The following SLC39A9 variants were observed in gnomAD, a reference collection of about 807,000 sequenced individuals.
SLC39A9 encodes the protein solute carrier family 39 member 9, also known as zinc transporter ZIP9.
A neutral mutation model predicts 28.4 loss-of-function variants in SLC39A9; 14 were observed. That is an observed-to-expected ratio of 0.49 (90% CI 0.33 to 0.77). The LOEUF is 0.77. Among genes scored for constraint, SLC39A9 ranks in the 30% least tolerant of loss-of-function variants. The probability of loss-of-function intolerance (pLI) is 0.02; values close to 1 mark genes in which losing one functional copy is unlikely to be tolerated. For missense variants in SLC39A9, 283 were observed against 381.1 expected (o/e 0.74, Z 2.14); for synonymous variants, 119 against 149.6 (o/e 0.80, Z 1.49).
At chr14:69,446,893 AAAG>A (rs1249446117) in intron 3 of SLC39A9, among the ~76,000 whole-genome samples, 32 of 146,186 alleles carry the variant, frequency 2.2e-4, no homozygotes, top group Non-Finnish European at 4.7e-4. Flanking sequence ...AAAAAAAGAA[AAAG>A]AAAAAAAAAT....
At chr14:69,423,404 ATTCT>A (rs1437674365) in intron 1 of SLC39A9, among the ~76,000 whole-genome samples, 2 of 152,186 alleles carry the variant, frequency 1.3e-5, no homozygotes, top group Non-Finnish European at 2.9e-5. Flanking sequence ...TCTTTGCACA[ATTCT>A]TTCTTAGGAT....
In SLC39A9 at chr14:69,461,554, C is replaced by G. The variant is rs1175243866; in HGVS notation, c.*2961C>G. ...TCAAAACAGCCAAGTGAGCCCTGTTCTGGTATTTTGAATCATTAGAGAAAA... is the reference window on the plus strand; with the variant it reads ...TCAAAACAGCCAAGTGAGCCCTGTTGTGGTATTTTGAATCATTAGAGAAAA... On this transcript the variant is annotated 3_prime_UTR_variant, in exon 7 of 7. Coordinates refer to ENST00000336643, the MANE Select transcript of SLC39A9 (RefSeq NM_018375.5). 2.0e-6 allele frequency: 3 copies of G among 1,480,782 alleles called. No individual in the cohort carries two copies. Among genetic ancestry groups the G allele is most frequent in the Non-Finnish European group, 2.7e-6 (3 of 1,120,854 alleles). 91.7% of individuals were successfully genotyped at this position (1,480,782 alleles called of 1,614,324 possible). A position where few individuals can be genotyped will look rare whatever the true frequency, so the allele number is the denominator to read the frequency against.
At chr14:69,448,736 A>G (rs1185201477) in intron 3 of SLC39A9, among the ~76,000 whole-genome samples, 16 of 152,236 alleles carry the variant, frequency 1.1e-4, no homozygotes, top group Admixed American at 1.0e-3. Flanking sequence ...TGACAAAATT[A>G]CAATATGCAA....
Position 69,458,686 on chromosome 14 carries a change from C to G in SLC39A9, c.*93C>G. 2 of 1,455,864 alleles carry G rather than the reference C, an allele frequency of 1.4e-6. No homozygotes were observed. The highest frequency in any genetic ancestry group is 1.8e-6 in the Non-Finnish European group (2 of 1,103,238). 90.2% of individuals were successfully genotyped at this position (1,455,864 alleles called of 1,614,324 possible). On this transcript the variant is annotated 3_prime_UTR_variant, in exon 7 of 7. Transcript: ENST00000336643. ...TACTCACTTCCTCAGTCTCTTGTCT[C>G]ACCTTGCGCATCTCTACATGTATTC... is the stretch of plus-strand genomic sequence containing the variant.
At chr14:69,426,317 T>C (rs1302552044) in intron 2 of SLC39A9, among the ~76,000 whole-genome samples, 1 of 152,154 alleles carries the variant, frequency 6.6e-6, no homozygotes, top group African/African-American at 2.4e-5. Context: ...AACCCCCTCT[T>C]TGGGTTCAGT....
At chr14:69,406,630 G>C (rs956413194) in intron 1 of SLC39A9, among the ~76,000 whole-genome samples, 1 of 150,390 alleles carries the variant, frequency 6.6e-6, no homozygotes, top group African/African-American at 2.4e-5. Context: ...GGAGATTGCA[G>C]TGAGCTGAGA....
intron 4 of SLC39A9, 34 bp downstream of exon 4, chr14:69,453,343 T>C: frequency 1.9e-6 from 3 of 1,591,118 alleles, no homozygotes; most frequent in Non-Finnish European, 2.6e-6. Flanking sequence ...TTCTTTGTTT[T>C]CTATCGCACA....
chr14:69,455,666 T>C, intron 5 of SLC39A9, 66 bp from the exon 6 acceptor site: 1 of 1,595,082 alleles, frequency 6.3e-7, no homozygotes, highest in African/African-American at 1.3e-5. Flanking sequence ...AAATGGCATA[T>C]ACTTCTTGAT....
At position 69,442,177 on chromosome 14, in the gene SLC39A9, A is replaced by G. The variant is rs758682166; in HGVS notation, c.314A>G (p.His105Arg). ...HEHSHDHTQL[H>R]AYIGVSLVLG... ...CACAGCCACGACCACACACAGCTGC[A>G]TGCCTATATTGGTGTTTCCCTCGTT... Residue 105 changes from histidine (H) to arginine (R), a missense_variant, in exon 3 of 7, where the codon CAT (histidine) becomes CGT (arginine). Coordinates refer to ENST00000336643, the MANE Select transcript of SLC39A9 (RefSeq NM_018375.5). The G allele has an allele frequency of 6.8e-6, 11 of 1,614,120 alleles. No individual in the cohort carries two copies. The East Asian group carries it at 1.8e-4, about 26-fold the overall frequency.
At chr14:69,400,001 C>A (rs906590700) in intron 1 of SLC39A9, among the ~76,000 whole-genome samples, 1 of 151,974 alleles carries the variant, frequency 6.6e-6, no homozygotes, top group African/African-American at 2.4e-5. Context: ...GTTGAGGCTG[C>A]AGTGAGCCGT....
At chr14:69,401,015 A>T (rs750847333) in intron 1 of SLC39A9, among the ~76,000 whole-genome samples, 18 of 152,120 alleles carry the variant, frequency 1.2e-4, no homozygotes, top group Middle Eastern at 3.4e-3. Context: ...AATCAGTGAC[A>T]TATAGATGAG....
rs201158515 is a variant in SLC39A9, at chr14:69,407,327, CCTTT to C, written c.96+7866_96+7869del. Among the ~76,000 whole-genome samples, 16 of 141,416 alleles carry C rather than the reference CCTTT, an allele frequency of 1.1e-4. 1 individual carries two copies. The highest frequency in any genetic ancestry group is 1.5e-4 in the African/African-American group (6 of 39,058). 92.8% of individuals were successfully genotyped at this position (141,416 alleles called of 152,430 possible). ...CCCTTCCTTCCTTCCTTCCTTCCTT[CCTTT>C]CTTCCTTCCTTTCTTCTTTCCTTCC... is the stretch of plus-strand genomic sequence containing the variant. On this transcript the variant is annotated intron_variant, in intron 1 of 6. Transcript: ENST00000336643.
chr14:69,446,452 G>T (rs1357368592), intron 3 of SLC39A9, among the ~76,000 whole-genome samples: 5 of 151,718 alleles, frequency 3.3e-5, no homozygotes, highest in Admixed American at 6.6e-5. Flanking sequence ...AAAACAGAAG[G>T]AAGGAAGAAG....
intron 2 of SLC39A9, among the ~76,000 whole-genome samples, chr14:69,441,590 A>C (rs558005713): frequency 1.4e-4 from 21 of 152,194 alleles, no homozygotes; most frequent in Middle Eastern, 6.8e-3. Context: ...TAAAGCTAAA[A>C]ATTTTCTACT....
At chr14:69,449,430 G>T (rs1003726104) in intron 3 of SLC39A9, among the ~76,000 whole-genome samples, 1 of 152,152 alleles carries the variant, frequency 6.6e-6, no homozygotes, top group Admixed American at 6.5e-5. Flanking sequence ...TTTGAGACCA[G>T]CCTAGGCAAC....
At chr14:69,416,904 T>C (rs1015387950) in intron 1 of SLC39A9, among the ~76,000 whole-genome samples, 44 of 152,242 alleles carry the variant, frequency 2.9e-4, no homozygotes, top group Non-Finnish European at 5.7e-4. Context: ...GCAAAAATTT[T>C]CTCCCCTTCT....
Position 69,438,758 on chromosome 14 carries a change from T to C in SLC39A9, c.206-3311T>C, listed in dbSNP as rs575358820. On this transcript the variant is annotated intron_variant, in intron 2 of 6. Transcript: ENST00000336643. ...ATTGGGTCAAAGATGAAAATATAAA[T>C]GTGATGTATTGTCAAAACTGCTATT... Among the ~76,000 whole-genome samples, 3 of 152,320 alleles carry C rather than the reference T, an allele frequency of 2.0e-5. No individual in the cohort carries two copies. In the East Asian group the frequency reaches 5.8e-4, roughly 29 times the overall value.
At chr14:69,406,142 C>T (rs931820673) in intron 1 of SLC39A9, among the ~76,000 whole-genome samples, 1 of 151,858 alleles carries the variant, frequency 6.6e-6, no homozygotes, top group African/African-American at 2.4e-5. Context: ...TTAGGAACAT[C>T]TTTCATACCT....
intron 6 of SLC39A9, among the ~76,000 whole-genome samples, chr14:69,457,183 T>TATAC (rs1555409824): frequency 2.6e-5 from 4 of 151,672 alleles, no homozygotes; most frequent in South Asian, 2.1e-4. Context: ...TACATATATA[T>TATAC]ACACACACAC....
Sources: gnomAD v4.1 joint callset for allele counts (sites outside exome capture counted in the v4.1 genomes callset) on GRCh38, gnomAD v4.1.1 for gene constraint, MANE v1.5 for transcripts, NCBI Gene and HGNC (gene_info 2026-07-23, HGNC 2026-07-21) for gene names.